Variants in ADGRV1 observed in about 807,000 individuals in gnomAD.
ADGRV1 encodes G-protein coupled receptor 98.
ADGRV1 carries 359 observed loss-of-function variants against 596.2 expected under a neutral mutation model. The observed-to-expected ratio is 0.60, with a 90% CI of 0.55 to 0.66. ADGRV1 has a LOEUF of 0.66. Ranked by LOEUF, ADGRV1 falls within the 30% of genes least tolerant of loss-of-function variation. ADGRV1 has a pLI of 0.00. For missense variants in ADGRV1, 7,274 were observed against 7,575.6 expected, an observed-to-expected ratio of 0.96 and a Z score of 1.48; for synonymous variants, 2,681 against 2,679.2, an observed-to-expected ratio of 1.00 and a Z score of -0.02.
chr5:90,564,318 T>C (rs1201499994), intron 1 of ADGRV1, among the ~76,000 whole-genome samples: 3 of 152,166 alleles, frequency 2.0e-5, no homozygotes, highest in Admixed American at 2.0e-4. Context: ...ACTAGTAAGC[T>C]AAGGTTGGAG....
chr5:90,866,794 G>A (rs1768163606), intron 83 of ADGRV1, among the ~76,000 whole-genome samples: 2 of 152,072 alleles, frequency 1.3e-5, no homozygotes, highest in South Asian at 4.1e-4. Context: ...AGCATTAAGT[G>A]TGTTATTGAT....
chr5:90,676,299 A>G (rs1744209935), intron 25 of ADGRV1, 90 bp downstream of exon 25: 1 of 1,191,178 alleles, frequency 8.4e-7, no homozygotes, highest in African/African-American at 1.6e-5. Context: ...GTTCCTTTGA[A>G]TTAATCTTAC....
intron 25 of ADGRV1, 52 bp downstream of exon 25, chr5:90,676,261 A>C: frequency 2.6e-6 from 4 of 1,530,010 alleles, no homozygotes; most frequent in Non-Finnish European, 3.5e-6. Context: ...ACCCATGCTG[A>C]TGAAAGTAGA....
chr5:90,627,254 TAGA>T lies in ADGRV1; in HGVS notation c.719_721del (p.Glu240del). 6.3e-7 allele frequency: 1 copy of T among 1,584,986 alleles called. No individual in the cohort carries two copies. Among genetic ancestry groups the T allele is most frequent in the Middle Eastern group, 1.7e-4 (1 of 5,892 alleles). On this transcript the variant is annotated inframe_deletion, in exon 7 of 90. Coordinates refer to ENST00000405460, the MANE Select transcript of ADGRV1 (RefSeq NM_032119.4). The stretch of plus-strand genomic sequence containing the variant: ...ATATTTTTAATTCAACTGAAAAGTG[TAGA>T]AGGAGGAGCTGAGATTAACACCTCT...
intron 86 of ADGRV1, 46 bp downstream of exon 86, chr5:91,072,650 A>G (rs1297536462): frequency 1.3e-6 from 2 of 1,569,268 alleles, no homozygotes; most frequent in Admixed American, 1.8e-5. Context: ...AAACGCTTTA[A>G]TGGTGGGAAA....
intron 4 of ADGRV1, among the ~76,000 whole-genome samples, chr5:90,620,108 A>G (rs1222054375): frequency 6.6e-6 from 1 of 152,036 alleles, no homozygotes; most frequent in African/African-American, 2.4e-5. Context: ...TCCTTTGGGT[A>G]TATACCCAGT....
intron 83 of ADGRV1, among the ~76,000 whole-genome samples, chr5:90,884,118 A>C (rs769539202): frequency 4.6e-5 from 7 of 152,226 alleles, no homozygotes; most frequent in Middle Eastern, 6.8e-3. Flanking sequence ...AGGATTTCTC[A>C]ACTCAGACAC....
intron 87 of ADGRV1, among the ~76,000 whole-genome samples, chr5:91,129,344 C>T (rs892419754): frequency 6.6e-6 from 1 of 152,166 alleles, no homozygotes. Context: ...GAAGAGTTCT[C>T]CCCTGCCTGT....
intron 26 of ADGRV1, among the ~76,000 whole-genome samples, chr5:90,680,077 C>A (rs17621772): frequency 0.056 from 8,505 of 152,078 alleles, 346 homozygotes; most frequent in South Asian, 0.12. Flanking sequence ...AAAATGTAAT[C>A]AAAACAAATG....
At chr5:90,914,945 C>A (rs1184108616) in intron 83 of ADGRV1, among the ~76,000 whole-genome samples, 9 of 152,134 alleles carry the variant, frequency 5.9e-5, no homozygotes, top group South Asian at 4.1e-4. Flanking sequence ...TGCCTACATG[C>A]TCCCCTAAAA....
chr5:90,778,946 GC>G lies in ADGRV1; in HGVS notation c.12932del (p.Ala4311GlufsTer19). On this transcript the variant is annotated frameshift_variant, in exon 64 of 90. Transcript: ENST00000405460. LOFTEE classifies it high-confidence loss of function. ...CAAGACGATGAGCGGGACAGCGGAA[GC>G]AGGCTTGGATTTTGTTCCTGCAGCA... ...WYKTMSGTAE[A>X]GLDFVPAAGE... is the part of the protein sequence containing the mutation. 1 of 1,613,538 alleles carries G rather than the reference GC, an allele frequency of 6.2e-7. No individual in the cohort carries two copies. The highest frequency in any genetic ancestry group is 8.5e-7 in the Non-Finnish European group (1 of 1,179,562).
intron 67 of ADGRV1, among the ~76,000 whole-genome samples, chr5:90,786,003 A>G (rs1359244944): frequency 1.3e-5 from 2 of 152,204 alleles, no homozygotes; most frequent in African/African-American, 2.4e-5. Flanking sequence ...AACCAACCCA[A>G]ATGTCCATCA....
At position 90,920,730 on chromosome 5, in the gene ADGRV1, C is replaced by T. The variant is rs77611636; in HGVS notation, c.17857-44685C>T. Among the ~76,000 whole-genome samples the T allele has an allele frequency of 8.9e-3, 1,351 of 152,176 alleles. 18 individuals are homozygous for T. Among genetic ancestry groups the T allele is most frequent in the African/African-American group, 0.031 (1,303 of 41,524 alleles). ...TAAGGCAATTTCCTAGAGTGAATAG[C>T]ACAACAAAAATAGTGTAATGTTTAG... On this transcript the variant is annotated intron_variant, in intron 83 of 89. Transcript: ENST00000405460.
rs185786818 is a variant in ADGRV1 at position 91,155,895 on chromosome 5, A to G, written c.18802+2497A>G. On this transcript the variant is annotated intron_variant, in intron 89 of 89. Transcript: ENST00000405460. Reference sequence around the variant, plus strand: ...CTGGGAGGTTATTACAGTGTTCCAAAAGAATGAGATTAAGGCCTCAAATCT... The same window carrying G: ...CTGGGAGGTTATTACAGTGTTCCAAGAGAATGAGATTAAGGCCTCAAATCT... 1.2e-3 allele frequency among the ~76,000 whole-genome samples: 187 copies of G among 152,352 alleles called. 1 individual carries two copies. The highest frequency in any genetic ancestry group is 1.8e-3 in the Non-Finnish European group (123 of 68,030).
Position 90,694,294 on chromosome 5 carries a change from T to C in ADGRV1, c.7538T>C (p.Met2513Thr). The change falls in exon 33 of 90, where the codon ATG becomes ACG. Residue 2513 changes from methionine to threonine, a missense_variant. Coordinates refer to ENST00000405460, the MANE Select transcript of ADGRV1 (RefSeq NM_032119.4). The stretch of plus-strand genomic sequence containing the variant: ...CCTGTGACAAGGCAATGGGCCATAA[T>C]GCAGGAAGGTGATGAATTCGCAAAT... ...YEPVTRQWAI[M>T]QEGDEFANLT... 6.2e-7 allele frequency: 1 copy of C among 1,613,986 alleles called. No homozygotes were observed. The highest frequency in any genetic ancestry group is 8.5e-7 in the Non-Finnish European group (1 of 1,179,860).
At chr5:90,651,355 A>G (rs1250097153) in intron 17 of ADGRV1, among the ~76,000 whole-genome samples, 1 of 151,980 alleles carries the variant, frequency 6.6e-6, no homozygotes, top group Non-Finnish European at 1.5e-5. Context: ...AATGGGAACT[A>G]TTTCATCTTG....
At chr5:91,150,277 CTCTG>C (rs1795940639) in intron 88 of ADGRV1, 56 bp downstream of exon 88, 8 of 1,232,250 alleles carry the variant, frequency 6.5e-6, no homozygotes, top group South Asian at 1.9e-5. Context: ...CTCTCTCTCT[CTCTG>C]TCTGTCTCTC....
intron 47 of ADGRV1, 62 bp downstream of exon 47, chr5:90,725,294 T>G: frequency 9.3e-7 from 1 of 1,071,574 alleles, no homozygotes; most frequent in South Asian, 1.9e-5. Context: ...ATTTGTAAGA[T>G]TGTTCAAATT....
intron 48 of ADGRV1, among the ~76,000 whole-genome samples, chr5:90,726,300 C>G (rs1751768415): frequency 6.6e-6 from 1 of 152,118 alleles, no homozygotes. Context: ...TTTAGCTATT[C>G]CCTCCATCTC....
Sources: gnomAD v4.1 joint callset for allele counts (sites outside exome capture counted in the v4.1 genomes callset) on GRCh38, gnomAD v4.1.1 for gene constraint, MANE v1.5 for transcripts, NCBI Gene and HGNC (gene_info 2026-07-23, HGNC 2026-07-21) for gene names.